The following NTPCR variants were observed in gnomAD, a reference collection of about 807,000 sequenced individuals.
NTPCR encodes the protein cancer-related nucleoside-triphosphatase.
Under a neutral mutation model 19.5 loss-of-function variants are expected in NTPCR, and 15 were observed. The ratio of observed to expected loss-of-function variants is 0.77; its 90% CI spans 0.51 to 1.18. The LOEUF (loss-of-function observed/expected upper bound fraction) is 1.18. Among genes scored for constraint, NTPCR ranks in the 50% most tolerant of loss-of-function variants. The pLI, the probability that NTPCR is intolerant of heterozygous loss-of-function variation, is 0.00. For synonymous variants in NTPCR, 90 were observed against 95.8 expected, an observed-to-expected ratio of 0.94 and a Z score of 0.36; for missense variants, 206 against 240.4, an observed-to-expected ratio of 0.86 and a Z score of 0.95.
At chr1:232,978,019 G>A in intron 4 of NTPCR, 144 bp from the exon 5 acceptor site, 2 of 626,118 alleles carry the variant, frequency 3.2e-6, no homozygotes, top group Non-Finnish European at 5.6e-6. Context: ...GAGTGCTCCT[G>A]AAGAGCTGGG....
In NTPCR at chr1:232,950,672, C is replaced by G; in HGVS notation, c.-39C>G. 1.3e-6 allele frequency: 2 copies of G among 1,578,604 alleles called. No individual in the cohort carries two copies. The highest frequency in any genetic ancestry group is 1.7e-6 in the Non-Finnish European group (2 of 1,149,110). On this transcript the variant is annotated 5_prime_UTR_variant, in exon 1 of 5. Transcript: ENST00000366628. ...ACCTGAATTGCGACCCCAACCTGGA[C>G]TGCTCCCCTGACCGCAACCCCTACC... is the stretch of plus-strand genomic sequence containing the variant.
At chr1:232,976,719 G>A in intron 4 of NTPCR, 1 of 754,712 alleles carries the variant, frequency 1.3e-6, no homozygotes, top group Non-Finnish European at 2.0e-6. Context: ...GCCAGGACCG[G>A]TAGAAATGGG....
At chr1:232,968,947 A>C (rs1449008978) in intron 3 of NTPCR, 1 of 152,246 alleles carries the variant, frequency 6.6e-6, no homozygotes, top group African/African-American at 2.4e-5. Flanking sequence ...TCTATAGAGG[A>C]CATGTGTGTT....
At chr1:232,953,546 T>C (rs1369789922) in intron 1 of NTPCR, among the ~76,000 whole-genome samples, 2 of 152,140 alleles carry the variant, frequency 1.3e-5, no homozygotes, top group Non-Finnish European at 2.9e-5. Flanking sequence ...CCATTTTATC[T>C]TTTTCAAAAT....
intron 1 of NTPCR, among the ~76,000 whole-genome samples, chr1:232,953,574 T>G (rs1490646984): frequency 6.6e-6 from 1 of 152,042 alleles, no homozygotes; most frequent in Non-Finnish European, 1.5e-5. Flanking sequence ...GCAATTTTTG[T>G]TAGGATAAGA....
intron 1 of NTPCR, among the ~76,000 whole-genome samples, chr1:232,951,651 C>T (rs573613534): frequency 6.0e-4 from 92 of 152,168 alleles, no homozygotes; most frequent in African/African-American, 2.1e-3. Context: ...AGGCTGTAAC[C>T]CTGGATCTAG....
chr1:232,974,232 T>TG (rs1372412569), intron 4 of NTPCR, among the ~76,000 whole-genome samples: 6 of 151,708 alleles, frequency 4.0e-5, no homozygotes, highest in Non-Finnish European at 8.8e-5. Flanking sequence ...CAGAAGGAGG[T>TG]GGTACATTTT....
chr1:232,976,145 T>G (rs1247983439), intron 4 of NTPCR, among the ~76,000 whole-genome samples: 1 of 152,266 alleles, frequency 6.6e-6, no homozygotes, highest in Non-Finnish European at 1.5e-5. Flanking sequence ...AAATTAATTT[T>G]TAATTTGTAA....
chr1:232,964,226 A>G (rs1374862793), intron 3 of NTPCR: 4 of 152,186 alleles, frequency 2.6e-5, no homozygotes, highest in Non-Finnish European at 1.5e-5. Flanking sequence ...CCAATTTAAA[A>G]GAACGTTCAT....
chr1:232,980,088 CTT>C lies in NTPCR; in HGVS notation c.*1859_*1860del. 6.6e-6 allele frequency: 1 copy of C among 152,318 alleles called. No homozygotes were observed. The highest frequency in any genetic ancestry group is 1.5e-5 in the Non-Finnish European group (1 of 68,052). The allele number at this position is 152,318 out of a possible 1,614,324, so 9.4% of individuals were successfully genotyped here. ...GTTTCAGCCGTGTCTGTTTTGTAGA[CTT>C]TGATTTTGTCTTAAATGAGAAAGAA... is the stretch of plus-strand genomic sequence containing the variant. On this transcript the variant is annotated 3_prime_UTR_variant, in exon 5 of 5. Coordinates refer to ENST00000366628, the MANE Select transcript of NTPCR (RefSeq NM_032324.3).
chr1:232,957,262 A>G (rs1668537620), intron 3 of NTPCR, among the ~76,000 whole-genome samples: 1 of 152,168 alleles, frequency 6.6e-6, no homozygotes, highest in Admixed American at 6.5e-5. Flanking sequence ...GAGTTTGTGA[A>G]TGATTCGTAT....
At chr1:232,969,544 A>G in intron 3 of NTPCR, 1 of 207,130 alleles carries the variant, frequency 4.8e-6, no homozygotes, top group South Asian at 9.4e-5. Context: ...GAAAATTAAA[A>G]GGAAACAAGT....
chr1:232,962,966 T>C (rs1668708616), intron 3 of NTPCR: 1 of 152,204 alleles, frequency 6.6e-6, no homozygotes, highest in South Asian at 2.1e-4. Flanking sequence ...CACTTGGCTT[T>C]AGAAAGAATG....
At chr1:232,960,177 G>T (rs1668630824) in intron 3 of NTPCR, among the ~76,000 whole-genome samples, 1 of 127,080 alleles carries the variant, frequency 7.9e-6, no homozygotes, top group South Asian at 2.7e-4. Context: ...TGGCACCATT[G>T]CATTCCAGCC....
chr1:232,950,781 G>T, intron 1 of NTPCR, 37 bp downstream of exon 1: 1 of 1,480,952 alleles, frequency 6.8e-7, no homozygotes. Context: ...AAGAGGTCGA[G>T]GGGGTGGGGG....
chr1:232,962,146 G>A (rs1668683514), intron 3 of NTPCR: 2 of 152,260 alleles, frequency 1.3e-5, no homozygotes, highest in Non-Finnish European at 1.5e-5. Flanking sequence ...TACAGATGAG[G>A]AAACTGAGGC....
At chr1:232,953,578 G>T (rs1004421746) in intron 1 of NTPCR, among the ~76,000 whole-genome samples, 28 of 151,644 alleles carry the variant, frequency 1.8e-4, no homozygotes, top group African/African-American at 6.8e-4. Flanking sequence ...TTTTTGTTAG[G>T]ATAAGAGTAA....
chr1:232,956,617 A>G (rs1225400375), intron 3 of NTPCR, among the ~76,000 whole-genome samples, 174 bp downstream of exon 3: 4 of 152,226 alleles, frequency 2.6e-5, no homozygotes, highest in African/African-American at 9.6e-5. Flanking sequence ...ACTCTGAGCT[A>G]CAGATAAATT....
At chr1:232,970,717 A>G (rs1668952151) in intron 4 of NTPCR, among the ~76,000 whole-genome samples, 1 of 152,250 alleles carries the variant, frequency 6.6e-6, no homozygotes, top group Admixed American at 6.5e-5. Flanking sequence ...TGAATTATTT[A>G]TTTAATCACA....
Sources: gnomAD v4.1 joint callset for allele counts (sites outside exome capture counted in the v4.1 genomes callset) on GRCh38, gnomAD v4.1.1 for gene constraint, MANE v1.5 for transcripts, NCBI Gene and HGNC (gene_info 2026-07-23, HGNC 2026-07-21) for gene names.